RTN3: variants seen among roughly 807,000 people sequenced by gnomAD.
RTN3 encodes reticulon-3.
In RTN3, 49 loss-of-function variants were observed where a neutral mutation model predicts 77.8. The ratio of observed to expected loss-of-function variants is 0.63; its 90% confidence interval spans 0.50 to 0.80. The LOEUF (loss-of-function observed/expected upper bound fraction) is 0.80. Among genes scored for constraint, RTN3 ranks in the 30% least tolerant of loss-of-function variants. The probability of loss-of-function intolerance (pLI) is 0.00; values close to 1 mark genes in which losing one functional copy is unlikely to be tolerated. For synonymous variants in RTN3, 464 were observed against 446.9 expected (o/e 1.04, Z -0.48); for missense variants, 1,236 against 1,211.9 (o/e 1.02, Z -0.29).
rs1178163752 is a variant in RTN3 at position 63,759,223 on chromosome 11, A to T, written c.*1022A>T. ...TTCTTGATCTTTTCCCGAGATTCAA[A>T]TCTCCGATTCCCATTTGGGGGCAAG... On this transcript the variant is annotated 3_prime_UTR_variant, in exon 9 of 9. Transcript: ENST00000377819. The T allele has an allele frequency of 6.6e-6, 1 of 152,184 alleles. No individual in the cohort carries two copies. Among genetic ancestry groups the T allele is most frequent in the East Asian group, 1.9e-4 (1 of 5,206 alleles). 9.4% of individuals were successfully genotyped at this position (152,184 alleles called of 1,614,324 possible).
intron 8 of RTN3, 145 bp from the exon 9 acceptor site, chr11:63,758,011 G>A (rs562548189): frequency 1.1e-4 from 72 of 627,542 alleles, no homozygotes; most frequent in Middle Eastern, 8.2e-4. Context: ...TTACACGCGT[G>A]AGCCACCATA....
chr11:63,695,725 T>C (rs930273349), intron 1 of RTN3, among the ~76,000 whole-genome samples: 3 of 152,164 alleles, frequency 2.0e-5, no homozygotes, highest in Non-Finnish European at 4.4e-5. Context: ...CTGTAAAATA[T>C]CTGACCAGAG....
chr11:63,688,389 A>C (rs1377394903), intron 1 of RTN3, among the ~76,000 whole-genome samples: 1 of 151,890 alleles, frequency 6.6e-6, no homozygotes, highest in Non-Finnish European at 1.5e-5. Flanking sequence ...CGCCTGGCTA[A>C]TTTTTTGTGT....
At chr11:63,697,525 G>T (rs904976747) in intron 1 of RTN3, among the ~76,000 whole-genome samples, 1 of 151,718 alleles carries the variant, frequency 6.6e-6, no homozygotes, top group African/African-American at 2.4e-5. Flanking sequence ...CCCCAGGCTG[G>T]AGTGCAATGG....
chr11:63,724,704 G>A (rs1162076565), intron 3 of RTN3, among the ~76,000 whole-genome samples: 1 of 151,860 alleles, frequency 6.6e-6, no homozygotes, highest in African/African-American at 2.4e-5. Flanking sequence ...TATTGGCCAG[G>A]CTGGTCTCGA....
chr11:63,732,898 C>T (rs370049548), intron 3 of RTN3, among the ~76,000 whole-genome samples: 8 of 151,988 alleles, frequency 5.3e-5, no homozygotes, highest in Non-Finnish European at 1.2e-4. Context: ...TATTCATGAA[C>T]GTAAATGAAA....
chr11:63,721,255 T>C (rs1175725957), intron 3 of RTN3, among the ~76,000 whole-genome samples: 4 of 152,144 alleles, frequency 2.6e-5, no homozygotes, highest in African/African-American at 9.7e-5. Context: ...TAGACCACTT[T>C]GTAACATTAA....
At chr11:63,746,520 GT>G (rs140379673) in intron 3 of RTN3, among the ~76,000 whole-genome samples, 39 of 143,184 alleles carry the variant, frequency 2.7e-4, no homozygotes, top group Admixed American at 4.9e-4. Context: ...TTTGTTTTTT[GT>G]TTTTTTTTTT....
In RTN3 at chr11:63,726,047, C is replaced by G. The variant is rs527770976; in HGVS notation, c.2530+5015C>G. ...AAAGTGAATCTATGCTAGAAAGATT[C>G]CATAAAGAAAAAAAATGAATCTATA... On this transcript the variant is annotated intron_variant, in intron 3 of 8. Transcript: ENST00000377819. Among the ~76,000 whole-genome samples the G allele has an allele frequency of 2.6e-5, 4 of 151,994 alleles. No individual in the cohort carries two copies. In the East Asian group the frequency reaches 7.7e-4, roughly 29 times the overall value.
At chr11:63,712,535 G>C (rs1216639484) in intron 2 of RTN3, among the ~76,000 whole-genome samples, 3 of 145,378 alleles carry the variant, frequency 2.1e-5, no homozygotes, top group Non-Finnish European at 4.5e-5. Flanking sequence ...GCCTGGGCTA[G>C]AGTGCAGTGG....
At chr11:63,746,385 G>GA (rs770880119) in intron 3 of RTN3, among the ~76,000 whole-genome samples, 2 of 152,084 alleles carry the variant, frequency 1.3e-5, no homozygotes, top group Admixed American at 6.6e-5. Context: ...TTTTTTTCCT[G>GA]AACCATTTGA....
At chr11:63,745,647 A>C (rs1216497748) in intron 3 of RTN3, among the ~76,000 whole-genome samples, 2 of 152,146 alleles carry the variant, frequency 1.3e-5, no homozygotes, top group Non-Finnish European at 2.9e-5. Context: ...CATTTATCTT[A>C]AGGCTGAGCC....
chr11:63,718,015 C>CAA (rs557512588), intron 2 of RTN3, among the ~76,000 whole-genome samples: 7 of 100,768 alleles, frequency 6.9e-5, no homozygotes, highest in African/African-American at 2.7e-4. Context: ...GACTCCGTAT[C>CAA]AAAAAAAAAA....
At chr11:63,750,750 G>A (rs1278703630) in intron 4 of RTN3, among the ~76,000 whole-genome samples, 1 of 149,454 alleles carries the variant, frequency 6.7e-6, no homozygotes, top group African/African-American at 2.5e-5. Context: ...GTGTGTTTTT[G>A]AGACAGAGTC....
At chr11:63,741,019 G>C (rs1052679416) in intron 3 of RTN3, among the ~76,000 whole-genome samples, 1 of 151,992 alleles carries the variant, frequency 6.6e-6, no homozygotes. Context: ...CAAAATCACA[G>C]AGCTGGCAAA....
intron 1 of RTN3, among the ~76,000 whole-genome samples, chr11:63,691,705 C>G (rs181229941): frequency 6.3e-4 from 96 of 152,326 alleles, no homozygotes; most frequent in Non-Finnish European, 1.3e-3. Flanking sequence ...AGCAAATGCT[C>G]TTGATTCTAC....
intron 2 of RTN3, among the ~76,000 whole-genome samples, chr11:63,716,979 C>CAAAAAAAAAAAAAAAAAAAA (rs6144367): frequency 8.3e-6 from 1 of 120,270 alleles, no homozygotes; most frequent in Non-Finnish European, 1.6e-5. Context: ...AAAAAAAAAA[C>CAAAAAAAAAAAAAAAAAAAA]AAAAAAAAAA....
At chr11:63,755,199 C>A (rs1015961614) in intron 7 of RTN3, among the ~76,000 whole-genome samples, 1 of 152,056 alleles carries the variant, frequency 6.6e-6, no homozygotes, top group Non-Finnish European at 1.5e-5. Context: ...CACACAGTTT[C>A]TAGTCATTGG....
intron 1 of RTN3, among the ~76,000 whole-genome samples, chr11:63,692,375 G>T: frequency 6.6e-6 from 1 of 152,012 alleles, no homozygotes; most frequent in East Asian, 1.9e-4. Context: ...TTTATTTGCT[G>T]TTCACTCTGC....
Sources: gnomAD v4.1 joint callset for allele counts (sites outside exome capture counted in the v4.1 genomes callset) on GRCh38, gnomAD v4.1.1 for gene constraint, MANE v1.5 for transcripts, NCBI Gene and HGNC (gene_info 2026-07-23, HGNC 2026-07-21) for gene names.